The following DPH7 variants were observed in gnomAD, a reference collection of about 807,000 sequenced individuals.
DPH7 encodes diphthine methyltransferase.
DPH7 carries 44 observed loss-of-function variants against 41.7 expected under a neutral mutation model. The observed-to-expected ratio is 1.05, with a 90% confidence interval of 0.83 to 1.36. The LOEUF is 1.36. Among genes scored for constraint, DPH7 ranks in the 40% most tolerant of loss-of-function variants. The probability of loss-of-function intolerance (pLI) is 0.00; values close to 1 mark genes in which losing one functional copy is unlikely to be tolerated. For synonymous variants in DPH7, 275 were observed against 238.0 expected (o/e 1.16, Z -1.43); for missense variants, 629 against 577.5 (o/e 1.09, Z -0.91).
In DPH7 at chr9:137,574,760, T is replaced by C; in HGVS notation, c.459A>G (p.Lys153=). Residue 153 remains lysine (K), a synonymous_variant, in exon 4 of 9, where the codon AAA becomes AAG. Transcript: ENST00000277540. ...LALSLDWSTG[K]TGRAGDQPLK... ...CCAAGCCTGGCCCTTACCTTCCAGT[T>C]TTCCCAGTGGACCAATCTAGGGACA... 6.2e-7 allele frequency: 1 copy of C among 1,613,932 alleles called. No individual in the cohort carries two copies. Among genetic ancestry groups the C allele is most frequent in the East Asian group, 2.2e-5 (1 of 44,870 alleles).
At position 137,578,767 on chromosome 9, in the gene DPH7, C is replaced by G. The variant is rs1318436387; in HGVS notation, c.11G>C (p.Cys4Ser). MMGCFALQTVDTEL... is the reference protein window; with the variant it reads MMGSFALQTVDTEL... ...GGTGTCCACCGTTTGCAGGGCGAAA[C>G]AGCCCATCATCCAGCCCTCGGGGAA... The change falls in exon 1 of 9, where the codon TGT becomes TCT. Residue 4 changes from cysteine to serine, a missense_variant. Cys to Ser is a moderately radical substitution (Grantham distance 112, BLOSUM62 -1). Transcript: ENST00000277540. 3.3e-6 allele frequency: 5 copies of G among 1,507,954 alleles called. No individual in the cohort carries two copies. Among genetic ancestry groups the G allele is most frequent in the African/African-American group, 2.9e-5 (2 of 69,100 alleles). 93.4% of individuals were successfully genotyped at this position (1,507,954 alleles called of 1,614,324 possible).
chr9:137,578,759 G>T lies in DPH7; in HGVS notation c.19C>A (p.Leu7Met). The change falls in exon 1 of 9, where the codon CTG becomes ATG. Residue 7 changes from leucine (L) to methionine (M), a missense_variant. By Grantham distance (15) the Leu-to-Met change is conservative. Coordinates refer to ENST00000277540, the MANE Select transcript of DPH7 (RefSeq NM_138778.5). The stretch of plus-strand genomic sequence containing the variant: ...GTCAGCTCGGTGTCCACCGTTTGCA[G>T]GGCGAAACAGCCCATCATCCAGCCC... MMGCFA[L>M]QTVDTELTAD... 2 of 1,514,248 alleles carry T rather than the reference G, an allele frequency of 1.3e-6. No homozygotes were observed. Among genetic ancestry groups the T allele is most frequent in the Non-Finnish European group, 1.8e-6 (2 of 1,133,014 alleles). The allele number at this position is 1,514,248 out of a possible 1,614,324, so 93.8% of individuals were successfully genotyped here.
chr9:137,565,041 C>T (rs202076329), intron 6 of DPH7, 44 bp downstream of exon 6: 70 of 1,613,026 alleles, frequency 4.3e-5, no homozygotes, highest in African/African-American at 3.1e-4. Flanking sequence ...CCAGGGAACG[C>T]GGGGGCTGGT....
chr9:137,560,582 G>C (rs1838346556), intron 8 of DPH7, among the ~76,000 whole-genome samples: 1 of 150,812 alleles, frequency 6.6e-6, no homozygotes, highest in Non-Finnish European at 1.5e-5. Context: ...TGGCCAGGCA[G>C]GGTGGCTCAC....
At chr9:137,574,929 C>T (rs1156932277) in intron 3 of DPH7, 86 bp from the exon 4 acceptor site, 22 of 1,583,942 alleles carry the variant, frequency 1.4e-5, no homozygotes, top group Admixed American at 7.3e-5. Context: ...GGGAAGTCAT[C>T]GTTCCCTCAT....
chr9:137,555,763 T>C lies in DPH7; in HGVS notation c.950-115A>G, dbSNP rs1837400413. ...CAGCCCCTCACAGGTCAGCAAGTGT[T>C]TCCTGAGGAGCCGTTGTGTCATGCA... On this transcript the variant is annotated intron_variant, in intron 8 of 8. Transcript: ENST00000277540. The C allele has an allele frequency of 2.5e-6, 3 of 1,216,232 alleles. No individual in the cohort carries two copies. The African/African-American group carries it at 4.6e-5, about 19-fold the overall frequency. The allele number at this position is 1,216,232 out of a possible 1,614,324, so 75.3% of individuals were successfully genotyped here.
chr9:137,575,861 G>C, intron 3 of DPH7: 1 of 1,371,248 alleles, frequency 7.3e-7, no homozygotes, highest in Non-Finnish European at 9.4e-7. Context: ...TGTCACTTCA[G>C]CCCTTCTGCT....
intron 3 of DPH7, chr9:137,575,285 G>A: frequency 1.0e-6 from 1 of 994,062 alleles, no homozygotes; most frequent in Non-Finnish European, 1.2e-6. Context: ...GAAGCCGCGA[G>A]CAGCCATGAG....
chr9:137,572,350 GGCCTTGGGTAATC>G (rs1840583125), intron 5 of DPH7, among the ~76,000 whole-genome samples: 1 of 152,230 alleles, frequency 6.6e-6, no homozygotes. Context: ...AGATTCCACA[GGCCTTGGGTAATC>G]GCATCACTAT....
chr9:137,575,083 G>A (rs1841146426), intron 3 of DPH7: 1 of 1,293,040 alleles, frequency 7.7e-7, no homozygotes, highest in Non-Finnish European at 9.8e-7. Context: ...CCACAGGCTT[G>A]ATCTTGGGGC....
intron 8 of DPH7, among the ~76,000 whole-genome samples, chr9:137,558,952 G>A (rs570799303): frequency 5.2e-4 from 79 of 152,206 alleles, no homozygotes; most frequent in Non-Finnish European, 9.7e-4. Flanking sequence ...CACTGCGCCC[G>A]GCCTTGAATG....
At chr9:137,578,496 T>C in intron 1 of DPH7, 129 bp downstream of exon 1, 1 of 1,120,634 alleles carries the variant, frequency 8.9e-7, no homozygotes, top group Non-Finnish European at 1.2e-6. Flanking sequence ...GATTCTAAAC[T>C]GTTTCCAGCC....
In DPH7 at chr9:137,555,629, C is replaced by T. The variant is rs868377901; in HGVS notation, c.969G>A (p.Thr323=). ...QKAMEERQEA[T]VLTSHTLPDS... ...CGGGCAATGTGTGAGATGTCAGGAC[C>T]GTCGCCTCCTGCCTCTCCTCTGGAG... Residue 323 remains threonine, a synonymous_variant, in exon 9 of 9, where the codon ACG becomes ACA. Transcript: ENST00000277540. 24 of 1,603,546 alleles carry T rather than the reference C, an allele frequency of 1.5e-5. 1 individual carries two copies. The highest frequency in any genetic ancestry group is 5.5e-5 in the South Asian group (5 of 90,158).
At chr9:137,578,102 G>C (rs76418867) in intron 1 of DPH7, 133 of 457,268 alleles carry the variant, frequency 2.9e-4, no homozygotes, top group African/African-American at 2.7e-3. Flanking sequence ...AGGATGCCCT[G>C]AGCCCTGGAG....
In DPH7 at chr9:137,576,211, A is replaced by G. The variant is rs1391358134; in HGVS notation, c.288-44T>C. On this transcript the variant is annotated intron_variant, in intron 2 of 8. Coordinates refer to ENST00000277540, the MANE Select transcript of DPH7 (RefSeq NM_138778.5). The stretch of plus-strand genomic sequence containing the variant: ...ATAAGCACACCAATGTGCCCGGAGC[A>G]CAGGCGTGCACTGTGCGTCCCGGTA... 1.9e-6 allele frequency: 3 copies of G among 1,563,524 alleles called. No individual in the cohort carries two copies. The South Asian group carries it at 3.3e-5, about 17-fold the overall frequency.
chr9:137,574,672 T>C, intron 4 of DPH7, 80 bp downstream of exon 4: 1 of 1,344,650 alleles, frequency 7.4e-7, no homozygotes, highest in Non-Finnish European at 1.0e-6. Context: ...TCGCTGAAGG[T>C]GGCTGGAGCC....
chr9:137,575,366 A>G, intron 3 of DPH7: 1 of 988,102 alleles, frequency 1.0e-6, no homozygotes, highest in Non-Finnish European at 1.2e-6. Context: ...GCTTAACTCC[A>G]TCCCTGCTCC....
intron 4 of DPH7, 29 bp from the exon 5 acceptor site, chr9:137,574,409 C>A (rs768565320): frequency 6.2e-7 from 1 of 1,604,342 alleles, no homozygotes; most frequent in African/African-American, 1.3e-5. Context: ...TGAAGAAGCC[C>A]GGCAGAATGT....
chr9:137,575,975 T>C, intron 3 of DPH7, 105 bp downstream of exon 3: 1 of 1,577,248 alleles, frequency 6.3e-7, no homozygotes. Flanking sequence ...AGCTCACCAT[T>C]GAAGAGAGAT....
Sources: allele counts gnomAD v4.1 joint callset (sites outside exome capture counted in the v4.1 genomes callset), GRCh38; gene constraint gnomAD v4.1.1; transcripts MANE v1.5; gene names NCBI Gene and HGNC (gene_info 2026-07-23, HGNC 2026-07-21).